Variants in INSL6 observed in about 807,000 individuals in gnomAD.
The protein encoded by INSL6 is insulin like 6, also known as insulin-like peptide INSL6.
INSL6 carries 16 observed loss-of-function variants against 9.4 expected under a neutral mutation model. The ratio of observed to expected loss-of-function variants is 1.70; its 90% confidence interval spans 1.15 to 2.59. INSL6 has a LOEUF of 2.59. INSL6 is among the 30% of genes most tolerant of loss of function. The pLI is 0.00. For missense variants in INSL6, 391 were observed against 257.3 expected, an observed-to-expected ratio of 1.52 and a Z score of -3.56; for synonymous variants, 154 against 96.9, an observed-to-expected ratio of 1.59 and a Z score of -3.46.
chr9:5,029,559 A>G, the INSL6 span, among the ~76,000 whole-genome samples: 2 of 152,216 alleles, frequency 1.3e-5, no homozygotes, highest in African/African-American at 4.8e-5. Context: ...ATATCTGCAA[A>G]GTACAATAAT....
At chr9:5,117,033 G>T in the INSL6 span, among the ~76,000 whole-genome samples, 1 of 152,166 alleles carries the variant, frequency 6.6e-6, no homozygotes, top group Admixed American at 6.5e-5. Flanking sequence ...GCTTCATGCA[G>T]CATTTGGCTC....
At chr9:5,147,817 G>A (rs7850484) in intron 2 of INSL6, among the ~76,000 whole-genome samples, 52,343 of 151,910 alleles carry the variant, frequency 0.34, 9,539 homozygotes, top group African/African-American at 0.48. Context: ...TTCTTTCCTC[G>A]GGTTGGTGTG....
chr9:5,143,939 C>T (rs1163593138), intron 2 of INSL6, among the ~76,000 whole-genome samples: 61 of 152,248 alleles, frequency 4.0e-4, no homozygotes, highest in East Asian at 1.9e-4. Context: ...GGATTACAGG[C>T]GTAAGCCACT....
chr9:5,076,106 AGGAGTTGCTTCTTAT>A, the INSL6 span, among the ~76,000 whole-genome samples: 15 of 152,322 alleles, frequency 9.8e-5, no homozygotes, highest in Admixed American at 8.5e-4. Context: ...TGAAAGAAGG[AGGAGTTGCTTCTTAT>A]GGATAAGCAG....
chr9:5,115,528 A>G, the INSL6 span, among the ~76,000 whole-genome samples: 1 of 152,332 alleles, frequency 6.6e-6, no homozygotes, highest in African/African-American at 2.4e-5. Flanking sequence ...CCAGAGTTAG[A>G]AATACCATTT....
the INSL6 span, among the ~76,000 whole-genome samples, chr9:5,058,001 T>G: frequency 1.3e-5 from 2 of 152,206 alleles, no homozygotes; most frequent in South Asian, 4.1e-4. Flanking sequence ...AAGGTTCATT[T>G]GTATTACAGC....
chr9:5,111,740 C>T, the INSL6 span: 1 of 429,660 alleles, frequency 2.3e-6, no homozygotes, highest in South Asian at 1.7e-5. Context: ...GGGCTACCGG[C>T]TGCACGGAGG....
chr9:5,149,615 G>A (rs1320775926), intron 2 of INSL6, among the ~76,000 whole-genome samples: 1 of 152,070 alleles, frequency 6.6e-6, no homozygotes. Context: ...TGGAAAAACG[G>A]CTGATGCTCA....
chr9:5,149,786 A>C (rs1824676626), intron 2 of INSL6, among the ~76,000 whole-genome samples: 1 of 152,226 alleles, frequency 6.6e-6, no homozygotes, highest in South Asian at 2.1e-4. Context: ...AAGCAATCTT[A>C]AGCAAACAAT....
chr9:5,056,345 T>C, the INSL6 span, among the ~76,000 whole-genome samples: 5 of 152,128 alleles, frequency 3.3e-5, no homozygotes, highest in Non-Finnish European at 7.4e-5. Context: ...TTTTATACTT[T>C]GCTCTTAAGT....
chr9:5,084,885 A>G, the INSL6 span: 1 of 422,290 alleles, frequency 2.4e-6, no homozygotes, highest in Non-Finnish European at 4.5e-6. Flanking sequence ...AATAAGTTTG[A>G]TATCTTTTAA....
downstream of INSL6, chr9:5,123,132 T>C (rs1823741266): frequency 2.6e-6 from 4 of 1,525,908 alleles, no homozygotes; most frequent in Non-Finnish European, 3.6e-6. Context: ...GTCAGTGTGC[T>C]TTTTATTTAC....
At chr9:5,006,470 G>A in the INSL6 span, among the ~76,000 whole-genome samples, 1 of 152,062 alleles carries the variant, frequency 6.6e-6, no homozygotes, top group Non-Finnish European at 1.5e-5. Flanking sequence ...TTCTCATATT[G>A]CTATAAAGAG....
At chr9:5,151,848 G>A (rs1019781841) in intron 2 of INSL6, among the ~76,000 whole-genome samples, 2 of 152,042 alleles carry the variant, frequency 1.3e-5, no homozygotes, top group Middle Eastern at 3.2e-3. Context: ...CATACACTGT[G>A]AACTTGATGA....
chr9:4,997,014 C>A, the INSL6 span, among the ~76,000 whole-genome samples: 1 of 149,724 alleles, frequency 6.7e-6, no homozygotes, highest in Non-Finnish European at 1.5e-5. Flanking sequence ...TGCAGCCTTG[C>A]CTTCCCTGGG....
At chr9:5,048,842 G>C in the INSL6 span, among the ~76,000 whole-genome samples, 4 of 152,128 alleles carry the variant, frequency 2.6e-5, no homozygotes, top group African/African-American at 9.7e-5. Context: ...GTAGAGTATA[G>C]AGGGCCCTTG....
At chr9:5,038,214 C>T in the INSL6 span, among the ~76,000 whole-genome samples, 1 of 151,964 alleles carries the variant, frequency 6.6e-6, no homozygotes, top group Non-Finnish European at 1.5e-5. Context: ...GGACAAATTC[C>T]TAGAAAGACA....
intron 1 of INSL6, among the ~76,000 whole-genome samples, chr9:5,180,267 T>C (rs1326526164): frequency 6.6e-6 from 1 of 152,230 alleles, no homozygotes; most frequent in Non-Finnish European, 1.5e-5. Flanking sequence ...TTGTGTTAAC[T>C]GTACAAATTG....
chr9:5,124,532 T>G (rs528974720), intron 3 of INSL6, among the ~76,000 whole-genome samples: 24 of 151,864 alleles, frequency 1.6e-4, no homozygotes, highest in African/African-American at 4.8e-4. Context: ...ACCAATGTCA[T>G]TTGTTCACAG....
Sources: gnomAD v4.1 joint callset for allele counts (sites outside exome capture counted in the v4.1 genomes callset) on GRCh38, gnomAD v4.1.1 for gene constraint, MANE v1.5 for transcripts, NCBI Gene and HGNC (gene_info 2026-07-23, HGNC 2026-07-21) for gene names.